Variants in REPS2 observed in about 807,000 individuals in gnomAD.
REPS2 encodes the protein ralBP1-associated Eps domain-containing protein 2.
Under a neutral mutation model 53.6 loss-of-function variants are expected in REPS2, and 23 were observed. The observed-to-expected ratio is 0.43, with a 90% confidence interval of 0.31 to 0.61. REPS2 has a LOEUF of 0.61. Ranked by LOEUF, REPS2 falls within the 20% of genes least tolerant of loss-of-function variation. The pLI, the probability that REPS2 is intolerant of heterozygous loss-of-function variation, is 0.11. For missense variants in REPS2, 446 were observed against 534.9 expected (o/e 0.83, Z 1.64); for synonymous variants, 238 against 218.6 (o/e 1.09, Z -0.78).
chrX:16,957,519 T>C (rs192860493), intron 1 of REPS2, among the ~76,000 whole-genome samples: 1 of 112,261 alleles, frequency 8.9e-6, no homozygotes, highest in African/African-American at 3.2e-5. Context: ...TGTCTCTCCT[T>C]TACTTCAAAG....
chrX:17,055,972 A>G (rs1165550725), intron 8 of REPS2, among the ~76,000 whole-genome samples: 1 of 108,888 alleles, frequency 9.2e-6, no homozygotes, highest in African/African-American at 3.4e-5. Flanking sequence ...CATGTACCCT[A>G]AAACTTAGAG....
Position 17,054,877 on chromosome X carries a change from T to C in REPS2, c.1041T>C (p.Ile347=), listed in dbSNP as rs1343768448. ...AGTTCTGTGCTGCGTTTCATCTCAT[T>C]GTGGCTCGGAAGAACGGCTACCCAT... ...LPEFCAAFHL[I]VARKNGYPLP... is the part of the protein sequence containing the mutation. Residue 347 remains isoleucine, a synonymous_variant, in exon 8 of 18, where the codon ATT becomes ATC. Coordinates refer to ENST00000357277, the MANE Select transcript of REPS2 (RefSeq NM_004726.3). 2.5e-6 allele frequency: 3 copies of C among 1,211,662 alleles called. No individual in the cohort carries two copies. The highest frequency in any genetic ancestry group is 2.2e-5 in the Admixed American group (1 of 46,065).
At chrX:17,047,770 A>T (rs1348472349) in intron 6 of REPS2, among the ~76,000 whole-genome samples, 1 of 112,838 alleles carries the variant, frequency 8.9e-6, no homozygotes, top group East Asian at 2.8e-4. Flanking sequence ...TGTCGCCCCA[A>T]GGGGCCACCT....
At chrX:17,053,343 CTTA>C (rs1219811337) in intron 7 of REPS2, among the ~76,000 whole-genome samples, 6 of 110,694 alleles carry the variant, frequency 5.4e-5, no homozygotes, top group Non-Finnish European at 7.6e-5. Context: ...TTTTACAAGC[CTTA>C]TATTAGTTTT....
chrX:17,162,310 T>C, the REPS2 span, among the ~76,000 whole-genome samples: 4 of 112,804 alleles, frequency 3.5e-5, no homozygotes, highest in Non-Finnish European at 7.5e-5. Flanking sequence ...AATTGTTTAA[T>C]ATCATGGCTG....
intron 5 of REPS2, among the ~76,000 whole-genome samples, chrX:17,040,927 G>A (rs745339499): frequency 1.8e-5 from 2 of 112,258 alleles, no homozygotes; most frequent in South Asian, 7.4e-4. Flanking sequence ...TTGTGGTTGT[G>A]AAGGGCAGAT....
the REPS2 span, among the ~76,000 whole-genome samples, chrX:17,169,895 T>G: frequency 1.8e-5 from 2 of 111,097 alleles, no homozygotes; most frequent in Admixed American, 1.9e-4. Flanking sequence ...TGACTAGGGC[T>G]TAGGTATAGG....
intron 1 of REPS2, among the ~76,000 whole-genome samples, chrX:16,951,557 A>AC (rs1432722996): frequency 0.016 from 357 of 22,206 alleles, 9 homozygotes; most frequent in East Asian, 0.086. Flanking sequence ...ACACACACAC[A>AC]CACCCCCGCT....
At chrX:17,042,740 T>C (rs772792617) in intron 5 of REPS2, among the ~76,000 whole-genome samples, 1 of 111,839 alleles carries the variant, frequency 8.9e-6, no homozygotes, top group Non-Finnish European at 1.9e-5. Context: ...TGGGTGAAGA[T>C]GTTTAGGAAC....
intron 12 of REPS2, among the ~76,000 whole-genome samples, chrX:17,076,986 T>C (rs1279769980): frequency 8.9e-6 from 1 of 112,097 alleles, no homozygotes; most frequent in Non-Finnish European, 1.9e-5. Context: ...TTATTAACAA[T>C]TCCAATAGAA....
intron 10 of REPS2, 112 bp downstream of exon 10, chrX:17,068,583 C>A: frequency 1.9e-6 from 1 of 526,485 alleles, no homozygotes; most frequent in Non-Finnish European, 3.2e-6. Flanking sequence ...AGCATGTAAA[C>A]ACATTTGGAT....
intron 1 of REPS2, among the ~76,000 whole-genome samples, chrX:16,996,042 C>A (rs1191050909): frequency 1.8e-5 from 2 of 111,075 alleles, no homozygotes; most frequent in African/African-American, 6.6e-5. Flanking sequence ...TCCATCCTGG[C>A]AAGCATTGCT....
At chrX:17,042,709 C>T (rs1000435235) in intron 5 of REPS2, among the ~76,000 whole-genome samples, 15 of 106,694 alleles carry the variant, frequency 1.4e-4, no homozygotes, top group African/African-American at 4.9e-4. Flanking sequence ...TGATATGGCT[C>T]CTGTCCTTCA....
At chrX:17,064,889 T>G (rs960495430) in intron 9 of REPS2, among the ~76,000 whole-genome samples, 2 of 112,551 alleles carry the variant, frequency 1.8e-5, no homozygotes, top group Admixed American at 1.9e-4. Flanking sequence ...TATGTAGTGT[T>G]TTGTGACCGT....
chrX:17,132,448 T>C (rs759192262), intron 14 of REPS2, among the ~76,000 whole-genome samples: 16 of 112,704 alleles, frequency 1.4e-4, no homozygotes, highest in Non-Finnish European at 2.8e-4. Flanking sequence ...CGTCAGACAG[T>C]CCCTCTTTCT....
At chrX:17,034,139 A>T (rs546362278) in intron 5 of REPS2, among the ~76,000 whole-genome samples, 7 of 111,686 alleles carry the variant, frequency 6.3e-5, no homozygotes, top group Admixed American at 4.7e-4. Flanking sequence ...CAACTCAGCC[A>T]GAGGGATGGG....
the REPS2 span, among the ~76,000 whole-genome samples, chrX:17,181,226 C>A: frequency 8.9e-6 from 1 of 112,408 alleles, no homozygotes; most frequent in Non-Finnish European, 1.9e-5. Flanking sequence ...TCACTGTGAC[C>A]TCTAAGGGAA....
chrX:17,040,221 T>G (rs1431228775), intron 5 of REPS2, among the ~76,000 whole-genome samples: 1 of 112,587 alleles, frequency 8.9e-6, no homozygotes, highest in Non-Finnish European at 1.9e-5. Flanking sequence ...AAATAAAGAC[T>G]AGAAAGAAGG....
chrX:17,173,856 G>A, the REPS2 span, among the ~76,000 whole-genome samples: 1 of 111,298 alleles, frequency 9.0e-6, no homozygotes, highest in Non-Finnish European at 1.9e-5. Flanking sequence ...GGGTTAAAAA[G>A]TTCACATATT....
Sources: gnomAD v4.1 joint callset for allele counts (sites outside exome capture counted in the v4.1 genomes callset) on GRCh38, gnomAD v4.1.1 for gene constraint, MANE v1.5 for transcripts, NCBI Gene and HGNC (gene_info 2026-07-23, HGNC 2026-07-21) for gene names.